The following ZFHX3 variants were observed in gnomAD, a reference collection of about 807,000 sequenced individuals.
The protein encoded by ZFHX3 is zinc finger homeobox protein 3.
ZFHX3 carries 42 observed loss-of-function variants against 279.1 expected under a neutral mutation model. That is an observed-to-expected ratio of 0.15 (90% confidence interval 0.12 to 0.19). ZFHX3 has a LOEUF of 0.19. ZFHX3 is among the 10% of genes least tolerant of loss of function. The pLI is 1.00. For missense variants in ZFHX3, 4,981 were observed against 4,754.0 expected (o/e 1.05, Z -1.40); for synonymous variants, 2,293 against 1,957.8 (o/e 1.17, Z -4.52).
At chr16:73,053,172 T>G (rs1965480219) in intron 1 of ZFHX3, among the ~76,000 whole-genome samples, 2 of 152,222 alleles carry the variant, frequency 1.3e-5, no homozygotes, top group Non-Finnish European at 2.9e-5. Flanking sequence ...TTTCCTTTCC[T>G]CATCCTGCTT....
intron 1 of ZFHX3, among the ~76,000 whole-genome samples, chr16:73,799,206 A>G (rs1960077999): frequency 6.6e-6 from 1 of 152,212 alleles, no homozygotes; most frequent in Non-Finnish European, 1.5e-5. Context: ...CAATCTCTTT[A>G]TCTATAAAAT....
At chr16:73,631,080 G>A (rs1379450758) in intron 2 of ZFHX3, among the ~76,000 whole-genome samples, 1 of 152,156 alleles carries the variant, frequency 6.6e-6, no homozygotes, top group African/African-American at 2.4e-5. Flanking sequence ...CCTGATTCCT[G>A]AGATGGGTGA....
At chr16:72,792,416 C>A (rs1007668003) in intron 9 of ZFHX3, among the ~76,000 whole-genome samples, 1 of 152,114 alleles carries the variant, frequency 6.6e-6, no homozygotes, top group Non-Finnish European at 1.5e-5. Context: ...TAGAAGAGAA[C>A]CCCAACATTA....
At chr16:73,125,947 A>G (rs528341912) in intron 7 of ZFHX3, among the ~76,000 whole-genome samples, 3 of 152,282 alleles carry the variant, frequency 2.0e-5, no homozygotes, top group Admixed American at 6.5e-5. Flanking sequence ...AACTCAGTCA[A>G]GGTCATACAG....
chr16:72,959,867 G>A lies in ZFHX3; in HGVS notation c.279C>T (p.Thr93=), dbSNP rs1455723711. Reference sequence around the variant, plus strand: ...CGCTGGGGCAGTGGTGCTCCATGTAGGTCTGGAGGCTGGCAAAGGAGGCCG... The same window carrying A: ...CGCTGGGGCAGTGGTGCTCCATGTAAGTCTGGAGGCTGGCAAAGGAGGCCG... ...ECSASFASLQ[T]YMEHHCPSAR... The change falls in exon 2 of 10, where the codon ACC becomes ACT. Residue 93 remains threonine (T), a synonymous_variant. Coordinates refer to ENST00000268489, the MANE Select transcript of ZFHX3 (RefSeq NM_006885.4). The A allele has an allele frequency of 6.2e-7, 1 of 1,603,808 alleles. No homozygotes were observed. Among genetic ancestry groups the A allele is most frequent in the Non-Finnish European group, 8.5e-7 (1 of 1,174,086 alleles).
intron 3 of ZFHX3, among the ~76,000 whole-genome samples, chr16:72,909,610 G>A (rs1033573155): frequency 1.1e-4 from 16 of 152,172 alleles, no homozygotes; most frequent in Admixed American, 2.0e-4. Flanking sequence ...GGCTCAGGCC[G>A]GGTGCGGTAT....
intron 7 of ZFHX3, among the ~76,000 whole-genome samples, chr16:72,804,521 C>G (rs989509357): frequency 1.3e-5 from 2 of 152,162 alleles, no homozygotes; most frequent in African/African-American, 4.8e-5. Flanking sequence ...CCTTGATCTA[C>G]TAGGAGAGGT....
At chr16:73,808,742 T>C (rs1188575419) in intron 1 of ZFHX3, among the ~76,000 whole-genome samples, 1 of 152,108 alleles carries the variant, frequency 6.6e-6, no homozygotes, top group Non-Finnish European at 1.5e-5. Flanking sequence ...GGCAGAGGCT[T>C]GAGTTTCCAG....
intron 4 of ZFHX3, among the ~76,000 whole-genome samples, chr16:73,264,304 G>A (rs1008954980): frequency 1.8e-4 from 27 of 151,822 alleles, no homozygotes; most frequent in African/African-American, 5.3e-4. Context: ...CAAGGTATCC[G>A]TATTCATTTC....
At chr16:73,445,330 G>C (rs76524847) in intron 3 of ZFHX3, among the ~76,000 whole-genome samples, 2 of 150,956 alleles carry the variant, frequency 1.3e-5, no homozygotes, top group African/African-American at 4.9e-5. Context: ...GTATGGGGGG[G>C]AGAGAGAGAG....
intron 1 of ZFHX3, 100 bp from the exon 2 acceptor site, chr16:72,960,294 C>A (rs913175320): frequency 1.0e-6 from 1 of 963,730 alleles, no homozygotes; most frequent in Non-Finnish European, 1.5e-6. Context: ...CCGCACGGAG[C>A]GCTCTAAGAG....
chr16:73,039,958 T>TA (rs1347363652), intron 1 of ZFHX3, among the ~76,000 whole-genome samples: 1 of 152,102 alleles, frequency 6.6e-6, no homozygotes, highest in Non-Finnish European at 1.5e-5. Flanking sequence ...GAAATGAAAA[T>TA]ACTACTAATA....
At chr16:73,167,791 C>T (rs1597197885) in intron 5 of ZFHX3, among the ~76,000 whole-genome samples, 2 of 152,188 alleles carry the variant, frequency 1.3e-5, no homozygotes, top group African/African-American at 4.8e-5. Context: ...AGGTCCCCAC[C>T]AGGGGCAACA....
intron 3 of ZFHX3, among the ~76,000 whole-genome samples, chr16:73,382,839 G>C (rs997336988): frequency 2.6e-5 from 4 of 152,126 alleles, no homozygotes; most frequent in African/African-American, 9.7e-5. Flanking sequence ...TGAAACCCAA[G>C]AGCTGGGATG....
Position 72,826,680 on chromosome 16 carries a change from A to G in ZFHX3, c.3529+3099T>C, listed in dbSNP as rs1053808323. ...AAGAGGATCATTTGCAGGAGTCGGG[A>G]AAGAATTTTCCCTTCTCTCTTTACT... On this transcript the variant is annotated intron_variant, in intron 5 of 9. Transcript: ENST00000268489. Among the ~76,000 whole-genome samples the G allele has an allele frequency of 3.3e-5, 5 of 152,306 alleles. 1 individual carries two copies. Among genetic ancestry groups the G allele is most frequent in the African/African-American group, 2.4e-5 (1 of 41,584 alleles).
chr16:73,549,610 C>T (rs1275435206), intron 2 of ZFHX3, among the ~76,000 whole-genome samples: 13 of 152,140 alleles, frequency 8.5e-5, no homozygotes. Flanking sequence ...TTGTTGGTTT[C>T]CTTTTGAAAA....
At chr16:73,191,293 G>C (rs1173569184) in intron 5 of ZFHX3, among the ~76,000 whole-genome samples, 1 of 152,088 alleles carries the variant, frequency 6.6e-6, no homozygotes, top group Non-Finnish European at 1.5e-5. Context: ...TGAACGTTCC[G>C]TGGCTCCCCC....
chr16:73,638,480 T>C (rs2052546816), intron 2 of ZFHX3, among the ~76,000 whole-genome samples: 1 of 152,232 alleles, frequency 6.6e-6, no homozygotes, highest in East Asian at 1.9e-4. Flanking sequence ...GAATTTGCCC[T>C]AGGTATTTAA....
At chr16:73,409,172 C>T (rs2017419500) in intron 3 of ZFHX3, among the ~76,000 whole-genome samples, 1 of 152,156 alleles carries the variant, frequency 6.6e-6, no homozygotes, top group African/African-American at 2.4e-5. Context: ...TTTATAGCAC[C>T]AAGGTACAGC....
Sources: allele counts gnomAD v4.1 joint callset (sites outside exome capture counted in the v4.1 genomes callset), GRCh38; gene constraint gnomAD v4.1.1; transcripts MANE v1.5; gene names NCBI Gene and HGNC (gene_info 2026-07-23, HGNC 2026-07-21).